The following TCERG1L variants were observed in gnomAD, a reference collection of about 807,000 sequenced individuals.
TCERG1L encodes transcription elongation regulator 1-like protein.
A neutral mutation model predicts 56.3 loss-of-function variants in TCERG1L; 37 were observed. That is an observed-to-expected ratio of 0.66 (90% confidence interval 0.51 to 0.87). The LOEUF is 0.87. Ranked by LOEUF, TCERG1L falls within the 40% of genes least tolerant of loss-of-function variation. The probability of loss-of-function intolerance (pLI) is 0.00; values close to 1 mark genes in which losing one functional copy is unlikely to be tolerated. For missense variants in TCERG1L, 799 were observed against 774.2 expected (o/e 1.03, Z -0.38); for synonymous variants, 324 against 326.3 (o/e 0.99, Z 0.08).
Position 131,267,146 on chromosome 10 carries a change from G to A in TCERG1L, c.671-6702C>T, listed in dbSNP as rs1049489623. On this transcript the variant is annotated intron_variant, in intron 3 of 11. Coordinates refer to ENST00000368642, the MANE Select transcript of TCERG1L (RefSeq NM_174937.4). This position sits in a 1 kb window ranked among gnomAD's most constrained non-coding sequence, Gnocchi z 4.9. ...AGGCCGCTTGCACCCAGGGGTACCC[G>A]CAGGCCAGTGCTGAGTTGCCACCAG... 2.6e-5 allele frequency among the ~76,000 whole-genome samples: 4 copies of A among 152,032 alleles called. No individual in the cohort carries two copies. Among genetic ancestry groups the A allele is most frequent in the South Asian group, 4.1e-4 (2 of 4,830 alleles).
At chr10:131,288,470 G>A (rs754094504) in intron 3 of TCERG1L, among the ~76,000 whole-genome samples, 5 of 152,090 alleles carry the variant, frequency 3.3e-5, no homozygotes, top group African/African-American at 7.2e-5. Flanking sequence ...CAGGACAGAC[G>A]CACTGTGGGA....
intron 9 of TCERG1L, among the ~76,000 whole-genome samples, chr10:131,105,979 T>A (rs1232192357): frequency 6.6e-6 from 1 of 152,164 alleles, no homozygotes; most frequent in Non-Finnish European, 1.5e-5. Flanking sequence ...TCCAGGCTTA[T>A]CTTCTGCATG....
At chr10:131,300,658 A>G (rs1273771255) in intron 3 of TCERG1L, among the ~76,000 whole-genome samples, 1 of 152,180 alleles carries the variant, frequency 6.6e-6, no homozygotes, top group East Asian at 1.9e-4. Context: ...ATCATGGTCA[A>G]TCATAGAACT....
At chr10:131,144,030 A>T (rs1268914866) in intron 7 of TCERG1L, among the ~76,000 whole-genome samples, 1 of 152,172 alleles carries the variant, frequency 6.6e-6, no homozygotes, top group Admixed American at 6.5e-5. Flanking sequence ...GTGAGCCACA[A>T]CTTCCACGTC....
chr10:131,212,029 T>C (rs183839284), intron 4 of TCERG1L, among the ~76,000 whole-genome samples: 32 of 152,262 alleles, frequency 2.1e-4, no homozygotes, highest in Middle Eastern at 3.4e-3. Flanking sequence ...TTGGGGTGAT[T>C]CTAAGGTTTT....
intron 4 of TCERG1L, among the ~76,000 whole-genome samples, chr10:131,246,028 A>G (rs11017837): frequency 0.32 from 49,334 of 152,118 alleles, 9,093 homozygotes; most frequent in Non-Finnish European, 0.44. Context: ...TTCTGGAAAC[A>G]CTGAGGCTCT....
rs146057565 is a variant in TCERG1L, at chr10:131,169,267, C to G, written c.857-2382G>C. 3.6e-4 allele frequency among the ~76,000 whole-genome samples: 54 copies of G among 151,164 alleles called. No homozygotes were observed. In the East Asian group the frequency reaches 7.4e-3, roughly 21 times the overall value. ...CCTCTATGCCACAGAAAGGGGCAAG[C>G]AGATGGGGACACAGCCATGCCCTGG... is the stretch of plus-strand genomic sequence containing the variant. On this transcript the variant is annotated intron_variant, in intron 4 of 11. Coordinates refer to ENST00000368642, the MANE Select transcript of TCERG1L (RefSeq NM_174937.4).
At chr10:131,231,572 G>A (rs867551040) in intron 4 of TCERG1L, among the ~76,000 whole-genome samples, 6 of 152,050 alleles carry the variant, frequency 3.9e-5, no homozygotes, top group African/African-American at 1.2e-4. Context: ...GAGCCCCTCC[G>A]GCATCAGAGG....
intron 4 of TCERG1L, among the ~76,000 whole-genome samples, chr10:131,221,923 G>A (rs1845737270): frequency 6.6e-6 from 1 of 152,220 alleles, no homozygotes; most frequent in Non-Finnish European, 1.5e-5. Context: ...GAACCTCTAG[G>A]TGATGGACGA....
intron 3 of TCERG1L, among the ~76,000 whole-genome samples, chr10:131,273,804 C>T (rs975863487): frequency 6.6e-6 from 1 of 152,146 alleles, no homozygotes; most frequent in Admixed American, 6.5e-5. Context: ...TGGAGCCAAA[C>T]GGAGCTCTGG....
chr10:131,115,322 G>T (rs1011706894), intron 9 of TCERG1L, among the ~76,000 whole-genome samples: 1 of 152,244 alleles, frequency 6.6e-6, no homozygotes, highest in Non-Finnish European at 1.5e-5. Context: ...GACCAAGTTG[G>T]GAGAAACTAC....
intron 9 of TCERG1L, among the ~76,000 whole-genome samples, chr10:131,109,510 G>A (rs922162257): frequency 6.6e-6 from 1 of 152,164 alleles, no homozygotes; most frequent in Non-Finnish European, 1.5e-5. Flanking sequence ...GTCTGTGAAC[G>A]CTGGAGCCGC....
intron 6 of TCERG1L, chr10:131,160,922 G>T (rs1411854063): frequency 6.6e-6 from 1 of 152,192 alleles, no homozygotes; most frequent in East Asian, 1.9e-4. Context: ...CAACGCCCCA[G>T]GGGAGCTTGG....
Position 131,308,407 on chromosome 10 carries a change from G to T in TCERG1L, c.490-16C>A. 1 of 1,610,590 alleles carries T rather than the reference G, an allele frequency of 6.2e-7. No individual in the cohort carries two copies. The highest frequency in any genetic ancestry group is 8.5e-7 in the Non-Finnish European group (1 of 1,177,628). ...TAAAAAAGATCTGTCGAAAAATAAT[G>T]CAAGCATAACACTGAAGGCAAGGTG... On this transcript the variant is annotated splice_polypyrimidine_tract_variant and intron_variant, in intron 2 of 11. Transcript: ENST00000368642.
intron 4 of TCERG1L, among the ~76,000 whole-genome samples, chr10:131,237,710 A>G (rs1298771633): frequency 6.6e-6 from 1 of 152,170 alleles, no homozygotes. Flanking sequence ...TTGGCTTGAG[A>G]AGCTAGTCCA....
chr10:131,116,650 A>G (rs1845461779), intron 9 of TCERG1L, 149 bp downstream of exon 9: 5 of 1,085,536 alleles, frequency 4.6e-6, no homozygotes, highest in Middle Eastern at 3.0e-4. Context: ...GAACTCAGTA[A>G]GGAGGACACA....
intron 9 of TCERG1L, among the ~76,000 whole-genome samples, chr10:131,106,152 T>C (rs1428732692): frequency 2.6e-5 from 4 of 152,240 alleles, no homozygotes; most frequent in Non-Finnish European, 5.9e-5. Flanking sequence ...GTTTAAGCCA[T>C]TTAGAACATA....
chr10:131,201,958 A>G (rs925705387), intron 4 of TCERG1L, among the ~76,000 whole-genome samples: 1 of 152,222 alleles, frequency 6.6e-6, no homozygotes, highest in African/African-American at 2.4e-5. Context: ...TCCCAGGGCC[A>G]CGTGGGGGTC....
At chr10:131,253,382 C>T (rs1400787301) in intron 4 of TCERG1L, among the ~76,000 whole-genome samples, 5 of 135,314 alleles carry the variant, frequency 3.7e-5, no homozygotes, top group African/African-American at 3.2e-5. Context: ...TTCGACCCTG[C>T]CCCCCAGCTT....
Sources: allele counts gnomAD v4.1 joint callset (sites outside exome capture counted in the v4.1 genomes callset), GRCh38; gene constraint gnomAD v4.1.1; non-coding constraint Gnocchi (gnomAD v3.1); transcripts MANE v1.5; gene names NCBI Gene and HGNC (gene_info 2026-07-23, HGNC 2026-07-21).